CTNND2: variants seen among roughly 807,000 people sequenced by gnomAD.
CTNND2 encodes catenin delta-2.
A neutral mutation model predicts 144.4 loss-of-function variants in CTNND2; 22 were observed. The ratio of observed to expected loss-of-function variants is 0.15; its 90% confidence interval spans 0.11 to 0.22. The LOEUF (loss-of-function observed/expected upper bound fraction) is 0.22, where lower values mean the gene tolerates loss of function less well. CTNND2 is among the 10% of genes least tolerant of loss of function. The pLI, the probability that CTNND2 is intolerant of heterozygous loss-of-function variation, is 1.00. For synonymous variants in CTNND2, 751 were observed against 695.6 expected (o/e 1.08, Z -1.25); for missense variants, 1,353 against 1,618.8 (o/e 0.84, Z 2.82).
At chr5:11,525,770 G>A (rs1197484398) in intron 3 of CTNND2, among the ~76,000 whole-genome samples, 2 of 152,246 alleles carry the variant, frequency 1.3e-5, no homozygotes, top group East Asian at 3.9e-4. Flanking sequence ...GTGGGTGTGT[G>A]TGAAAGGTGC....
intron 20 of CTNND2, among the ~76,000 whole-genome samples, chr5:10,982,912 G>T (rs114712493): frequency 0.017 from 2,534 of 152,182 alleles, 45 homozygotes; most frequent in Non-Finnish European, 0.02. Flanking sequence ...AGACAAATAT[G>T]GTATGTTCTC....
chr5:11,307,217 C>G (rs1750331012), intron 9 of CTNND2, among the ~76,000 whole-genome samples: 1 of 152,118 alleles, frequency 6.6e-6, no homozygotes, highest in Non-Finnish European at 1.5e-5. Flanking sequence ...GTTTCCATCC[C>G]TTCTTTCTCT....
chr5:11,236,782 T>G lies in CTNND2; in HGVS notation c.1670A>C (p.Gln557Pro). ...CGAGGGAAACTGGTGCTGCAACATCTGAATCACTTCCGGCAGTTCCGGGTC... is the reference window on the plus strand; with the variant it reads ...CGAGGGAAACTGGTGCTGCAACATCGGAATCACTTCCGGCAGTTCCGGGTC... Reference protein sequence around the residue: ...WRDPELPEVIQMLQHQFPSVQ... With the variant: ...WRDPELPEVIPMLQHQFPSVQ... The change falls in exon 10 of 22, where the codon CAG (glutamine) becomes CCG (proline). Residue 557 changes from glutamine (Q) to proline (P), a missense_variant. This residue lies in a region of CTNND2 where 69 missense variants were observed against 120.3 expected (regional missense o/e 0.57). Transcript: ENST00000304623. The G allele has an allele frequency of 6.2e-7, 1 of 1,614,196 alleles. No individual in the cohort carries two copies. The highest frequency in any genetic ancestry group is 8.5e-7 in the Non-Finnish European group (1 of 1,180,040).
At chr5:11,676,916 T>C (rs10040329) in intron 2 of CTNND2, among the ~76,000 whole-genome samples, 28,136 of 152,202 alleles carry the variant, frequency 0.18, 4,553 homozygotes, top group African/African-American at 0.44. Flanking sequence ...TATATTTAAG[T>C]TTACCAAACA....
At chr5:11,713,583 C>CAAAAAAA (rs1165519277) in intron 2 of CTNND2, among the ~76,000 whole-genome samples, 6 of 57,860 alleles carry the variant, frequency 1.0e-4, no homozygotes, top group East Asian at 4.7e-4. Context: ...GACTCCATCT[C>CAAAAAAA]AAAAAAAAAA....
intron 10 of CTNND2, among the ~76,000 whole-genome samples, chr5:11,221,644 T>C (rs1739806635): frequency 6.6e-6 from 1 of 152,356 alleles, no homozygotes; most frequent in Non-Finnish European, 1.5e-5. Flanking sequence ...TCTTGTATTG[T>C]TTCTCTCAGT....
At chr5:11,603,122 C>A (rs1779885768) in intron 2 of CTNND2, among the ~76,000 whole-genome samples, 1 of 152,086 alleles carries the variant, frequency 6.6e-6, no homozygotes, top group African/African-American at 2.4e-5. Flanking sequence ...CAGTAACAAT[C>A]ACAACAAACT....
At chr5:11,241,673 T>C (rs1407525427) in intron 9 of CTNND2, among the ~76,000 whole-genome samples, 1 of 152,202 alleles carries the variant, frequency 6.6e-6, no homozygotes, top group African/African-American at 2.4e-5. Context: ...TCTATAACAG[T>C]TTTGTTTCGC....
intron 13 of CTNND2, among the ~76,000 whole-genome samples, chr5:11,113,805 A>T (rs11133640): frequency 0.14 from 21,705 of 152,176 alleles, 2,457 homozygotes; most frequent in East Asian, 0.45. Flanking sequence ...TGGAATGGGC[A>T]GGGGCTGCTG....
chr5:11,198,266 C>T (rs61751788), intron 11 of CTNND2, among the ~76,000 whole-genome samples: 5,054 of 152,124 alleles, frequency 0.033, 132 homozygotes, highest in South Asian at 0.054. Flanking sequence ...TTTAGTAGCA[C>T]GGCAATTTTA....
chr5:11,185,949 C>T (rs1028955762), intron 11 of CTNND2, among the ~76,000 whole-genome samples: 43 of 152,302 alleles, frequency 2.8e-4, no homozygotes, highest in Middle Eastern at 3.4e-3. Context: ...ACTTGTAACT[C>T]GTGAGTTGCA....
At chr5:11,290,325 G>C (rs1500157) in intron 9 of CTNND2, among the ~76,000 whole-genome samples, 1 of 151,994 alleles carries the variant, frequency 6.6e-6, no homozygotes, top group South Asian at 2.1e-4. Context: ...TACCTATGAG[G>C]TACCTGACGG....
intron 2 of CTNND2, among the ~76,000 whole-genome samples, chr5:11,686,615 G>A (rs936159700): frequency 1.3e-5 from 2 of 151,908 alleles, no homozygotes; most frequent in Non-Finnish European, 2.9e-5. Context: ...CAAAGTATAG[G>A]TCTTGCTGAT....
At chr5:11,725,016 C>T (rs917958791) in intron 2 of CTNND2, among the ~76,000 whole-genome samples, 2 of 152,100 alleles carry the variant, frequency 1.3e-5, no homozygotes, top group Non-Finnish European at 2.9e-5. Context: ...AAAGTCAGAA[C>T]TTGTCCTTAG....
chr5:11,104,250 G>A (rs576496254), intron 14 of CTNND2, among the ~76,000 whole-genome samples: 1 of 152,142 alleles, frequency 6.6e-6, no homozygotes, highest in Non-Finnish European at 1.5e-5. Context: ...GCAAGATAAA[G>A]GTAGCAGATC....
At chr5:11,189,948 G>T (rs552375158) in intron 11 of CTNND2, among the ~76,000 whole-genome samples, 1 of 152,244 alleles carries the variant, frequency 6.6e-6, no homozygotes, top group East Asian at 1.9e-4. Flanking sequence ...CAGTGCTGAG[G>T]GTTGTAAGTT....
intron 12 of CTNND2, among the ~76,000 whole-genome samples, chr5:11,119,885 G>A (rs1753912919): frequency 6.6e-6 from 1 of 152,132 alleles, no homozygotes; most frequent in Non-Finnish European, 1.5e-5. Flanking sequence ...TTTCCTTCGA[G>A]TATCCTTTTT....
chr5:11,420,133 C>T (rs1329407034), intron 3 of CTNND2, among the ~76,000 whole-genome samples: 1 of 152,032 alleles, frequency 6.6e-6, no homozygotes, highest in Non-Finnish European at 1.5e-5. Flanking sequence ...ATCAGCCTGG[C>T]CAACACAGTG....
At chr5:11,616,508 G>GT (rs1206883870) in intron 2 of CTNND2, among the ~76,000 whole-genome samples, 1 of 151,838 alleles carries the variant, frequency 6.6e-6, no homozygotes, top group African/African-American at 2.4e-5. Flanking sequence ...ATTTCTACCT[G>GT]TTTTTCCTTC....
Sources: allele counts gnomAD v4.1 joint callset (sites outside exome capture counted in the v4.1 genomes callset), GRCh38; gene constraint gnomAD v4.1.1; regional missense constraint gnomAD v4.1.1; transcripts MANE v1.5; gene names NCBI Gene and HGNC (gene_info 2026-07-23, HGNC 2026-07-21).